HKDC1: variants seen among roughly 807,000 people sequenced by gnomAD.
The protein encoded by HKDC1 is hexokinase domain containing 1, also known as hexokinase HKDC1.
Under a neutral mutation model 96.6 loss-of-function variants are expected in HKDC1, and 66 were observed. The ratio of observed to expected loss-of-function variants is 0.68; its 90% CI spans 0.56 to 0.84. HKDC1 has a LOEUF of 0.84. HKDC1 is among the 40% of genes least tolerant of loss of function. The probability of loss-of-function intolerance (pLI) is 0.00; values close to 1 mark genes in which losing one functional copy is unlikely to be tolerated. For missense variants in HKDC1, 1,211 were observed against 1,208.1 expected, an observed-to-expected ratio of 1.00 and a Z score of -0.04; for synonymous variants, 466 against 473.1, an observed-to-expected ratio of 0.98 and a Z score of 0.20.
chr10:69,238,256 T>C lies in HKDC1; in HGVS notation c.496-786T>C, dbSNP rs535334998. ...ACTCTGCCTGGTTGGGAATCATTTTTCTAAGTTGAAATGAAGTTCCTGAGA... is the reference window on the plus strand; with the variant it reads ...ACTCTGCCTGGTTGGGAATCATTTTCCTAAGTTGAAATGAAGTTCCTGAGA... On this transcript the variant is annotated intron_variant, in intron 4 of 17. Transcript: ENST00000354624. Among the ~76,000 whole-genome samples the C allele has an allele frequency of 5.9e-5, 9 of 152,366 alleles. No homozygotes were observed. In the South Asian group the frequency reaches 1.4e-3, roughly 25 times the overall value.
intron 1 of HKDC1, among the ~76,000 whole-genome samples, chr10:69,226,848 G>A (rs983252380): frequency 6.6e-6 from 1 of 152,086 alleles, no homozygotes; most frequent in African/African-American, 2.4e-5. Flanking sequence ...CTTTTTTGGT[G>A]GAGAGGAATG....
chr10:69,267,289 C>T lies in HKDC1; in HGVS notation c.*532C>T. On this transcript the variant is annotated 3_prime_UTR_variant, in exon 18 of 18. Transcript: ENST00000354624. Reference sequence around the variant, plus strand: ...TTCAAACCTATTAAGAGAACAAAGACTTTGAAGTATCCAGCCCCAGGGTGC... The same window carrying T: ...TTCAAACCTATTAAGAGAACAAAGATTTTGAAGTATCCAGCCCCAGGGTGC... The T allele has an allele frequency of 2.9e-6, 1 of 341,670 alleles. No individual in the cohort carries two copies. The highest frequency in any genetic ancestry group is 5.7e-6 in the Non-Finnish European group (1 of 176,608). 21.2% of individuals were successfully genotyped at this position (341,670 alleles called of 1,614,324 possible).
intron 13 of HKDC1, 26 bp from the exon 14 acceptor site, chr10:69,257,301 T>TTTCTTG: frequency 6.3e-7 from 1 of 1,596,366 alleles, no homozygotes; most frequent in Non-Finnish European, 8.6e-7. Context: ...AAGCTGGGTT[T>TTTCTTG]TTTTTGTTTT....
chr10:69,224,485 G>C (rs1311798151), intron 1 of HKDC1, among the ~76,000 whole-genome samples: 3 of 151,940 alleles, frequency 2.0e-5, no homozygotes, highest in Non-Finnish European at 4.4e-5. Flanking sequence ...GGTTTCACCA[G>C]CTTGGCCAGG....
At chr10:69,221,849 C>G (rs1223557280) in intron 1 of HKDC1, among the ~76,000 whole-genome samples, 1 of 151,660 alleles carries the variant, frequency 6.6e-6, no homozygotes, top group Non-Finnish European at 1.5e-5. Flanking sequence ...GGCAGGATGG[C>G]TTGAGCCCGG....
chr10:69,233,154 G>T, intron 4 of HKDC1, 21 bp downstream of exon 4: 1 of 1,613,184 alleles, frequency 6.2e-7, no homozygotes. Flanking sequence ...GAGGGAAGCA[G>T]CAGTGCAGGA....
At position 69,261,290 on chromosome 10, in the gene HKDC1, G is replaced by T; in HGVS notation, c.2368G>T (p.Glu790Ter). 1 of 1,613,792 alleles carries T rather than the reference G, an allele frequency of 6.2e-7. No individual in the cohort carries two copies. Among genetic ancestry groups the T allele is most frequent in the African/African-American group, 1.3e-5 (1 of 75,038 alleles). ...IFETKFLSQI[E>*]SDRLALLQVR... ...CGAAACCAAGTTCCTGTCCCAGATCGAAAGGTGACCTGTGATCAAGTTCAT... is the reference window on the plus strand; with the variant it reads ...CGAAACCAAGTTCCTGTCCCAGATCTAAAGGTGACCTGTGATCAAGTTCAT... The change falls in exon 16 of 18, where the codon GAA becomes TAA. Residue 790 changes from glutamate (E) to a stop codon, truncating the protein, a stop_gained. Coordinates refer to ENST00000354624, the MANE Select transcript of HKDC1 (RefSeq NM_025130.4). LOFTEE classifies it high-confidence loss of function.
chr10:69,233,147 G>A lies in HKDC1; in HGVS notation c.495+14G>A. On this transcript the variant is annotated intron_variant, in intron 4 of 17. Transcript: ENST00000354624. The stretch of plus-strand genomic sequence containing the variant: ...AAACTGGAAGAGGTAAGGCGCGGAG[G>A]GAAGCAGCAGTGCAGGAATTGGGGC... 6.2e-7 allele frequency: 1 copy of A among 1,613,458 alleles called. No individual in the cohort carries two copies. The highest frequency in any genetic ancestry group is 8.5e-7 in the Non-Finnish European group (1 of 1,179,916).
At position 69,254,194 on chromosome 10, in the gene HKDC1, A is replaced by G. The variant is rs552301855; in HGVS notation, c.1837-2842A>G. ...GTGGCGGGTGCCTGCAATCTCAGCT[A>G]TTTGGGTGGCTGAGGCAGGAGAATC... On this transcript the variant is annotated intron_variant, in intron 12 of 17. Coordinates refer to ENST00000354624, the MANE Select transcript of HKDC1 (RefSeq NM_025130.4). 5.3e-5 allele frequency among the ~76,000 whole-genome samples: 8 copies of G among 152,194 alleles called. No homozygotes were observed. The East Asian group carries it at 1.5e-3, about 29-fold the overall frequency.
chr10:69,235,266 AC>A (rs1486815542), intron 4 of HKDC1, among the ~76,000 whole-genome samples: 4 of 152,068 alleles, frequency 2.6e-5, no homozygotes, highest in Non-Finnish European at 5.9e-5. Flanking sequence ...TATTAAAAAT[AC>A]AAAAATTAGC....
chr10:69,221,976 C>T (rs756949958), intron 1 of HKDC1, among the ~76,000 whole-genome samples: 1 of 151,918 alleles, frequency 6.6e-6, no homozygotes, highest in Non-Finnish European at 1.5e-5. Context: ...AATCCCAGCA[C>T]TTTGGGAGGC....
intron 10 of HKDC1, chr10:69,248,941 C>A: frequency 1.8e-6 from 1 of 559,446 alleles, no homozygotes; most frequent in Non-Finnish European, 3.1e-6. Context: ...CAAACAAAAA[C>A]ACAAAAAGCC....
At chr10:69,249,347 C>A (rs1265155637) in intron 10 of HKDC1, among the ~76,000 whole-genome samples, 1 of 152,216 alleles carries the variant, frequency 6.6e-6, no homozygotes, top group Non-Finnish European at 1.5e-5. Flanking sequence ...ATCCTCACAA[C>A]CACTTGGAAC....
chr10:69,265,637 G>A lies in HKDC1; in HGVS notation c.2425G>A (p.Asp809Asn). Residue 809 changes from aspartate (D) to asparagine (N), a missense_variant, in exon 17 of 18, where the codon GAC (aspartate) becomes AAC (asparagine). Physicochemically the swap from Asp to Asn is conservative, Grantham distance 23. Transcript: ENST00000354624. ...VRRILQQLGLDSTCEDSIVVK... is the reference protein window; with the variant it reads ...VRRILQQLGLNSTCEDSIVVK... ...GAGGATTCTGCAGCAGCTGGGCCTG[G>A]ACAGCACGTGTGAGGACAGCATCGT... 3 of 1,614,046 alleles carry A rather than the reference G, an allele frequency of 1.9e-6. No homozygotes were observed. The highest frequency in any genetic ancestry group is 1.6e-4 in the Middle Eastern group (1 of 6,062).
intron 3 of HKDC1, 36 bp from the exon 4 acceptor site, chr10:69,232,978 C>A (rs780673925): frequency 6.2e-7 from 1 of 1,613,008 alleles, no homozygotes; most frequent in Non-Finnish European, 8.5e-7. Flanking sequence ...GGAAACCACA[C>A]CTTAGCCCAT....
intron 13 of HKDC1, 57 bp from the exon 14 acceptor site, chr10:69,257,270 T>C: frequency 6.5e-7 from 1 of 1,527,822 alleles, no homozygotes; most frequent in Non-Finnish European, 9.1e-7. Flanking sequence ...CCTGTTTGGC[T>C]TGCACATTCA....
intron 15 of HKDC1, among the ~76,000 whole-genome samples, chr10:69,259,191 G>T (rs548072067): frequency 1.3e-5 from 2 of 152,340 alleles, no homozygotes; most frequent in Admixed American, 1.3e-4. Flanking sequence ...TGGTGGTTCT[G>T]GAAGTGAGGC....
chr10:69,243,097 G>A (rs1395503349), intron 6 of HKDC1, 85 bp from the exon 7 acceptor site: 6 of 1,359,710 alleles, frequency 4.4e-6, no homozygotes, highest in Non-Finnish European at 5.2e-6. Flanking sequence ...GTACATTGAG[G>A]AGGACTCCCC....
chr10:69,220,913 G>C (rs901001620), intron 1 of HKDC1, among the ~76,000 whole-genome samples: 3 of 152,238 alleles, frequency 2.0e-5, no homozygotes, highest in Admixed American at 1.3e-4. Flanking sequence ...ACTTTAGGAG[G>C]CCGAGGTGGG....
Sources: allele counts gnomAD v4.1 joint callset (sites outside exome capture counted in the v4.1 genomes callset), GRCh38; gene constraint gnomAD v4.1.1; transcripts MANE v1.5; gene names NCBI Gene and HGNC (gene_info 2026-07-23, HGNC 2026-07-21).